The following GLMP variants were observed in gnomAD, a reference collection of about 807,000 sequenced individuals.
GLMP encodes kidney lysosomal membrane protein.
GLMP carries 36 observed loss-of-function variants against 39.2 expected under a neutral mutation model. That is an observed-to-expected ratio of 0.92 (90% CI 0.70 to 1.21). The LOEUF (loss-of-function observed/expected upper bound fraction) is 1.21, where lower values mean the gene tolerates loss of function less well. Among genes scored for constraint, GLMP ranks in the 50% most tolerant of loss-of-function variants. The pLI is 0.00. For synonymous variants in GLMP, 220 were observed against 218.9 expected (o/e 1.01, Z -0.04); for missense variants, 454 against 505.6 (o/e 0.90, Z 0.98).
rs139951770 is a variant in GLMP, at chr1:156,294,133, C to T, written c.683G>A (p.Arg228Gln). The T allele has an allele frequency of 6.3e-5, 101 of 1,614,024 alleles. No individual in the cohort carries two copies. Among genetic ancestry groups the T allele is most frequent in the African/African-American group, 2.5e-4 (19 of 74,922 alleles). The change falls in exon 4 of 6, where the codon CGG (arginine) becomes CAG (glutamine). Residue 228 changes from arginine (R) to glutamine (Q), a missense_variant. Arg to Gln is a conservative substitution (Grantham distance 43). Transcript: ENST00000362007. The stretch of plus-strand genomic sequence containing the variant: ...CAGCCCAAACAGGGAACGGTTTCCC[C>T]GGGGAGAGGCTCCAATCAGGGCCAC... Reference protein sequence around the residue: ...LEVALIGASPRGNRSLFGLEV... With the variant: ...LEVALIGASPQGNRSLFGLEV...
Position 156,292,972 on chromosome 1 carries a change from T to C in GLMP, c.*72A>G. 1 of 1,537,094 alleles carries C rather than the reference T, an allele frequency of 6.5e-7. No individual in the cohort carries two copies. The highest frequency in any genetic ancestry group is 1.2e-5 in the South Asian group (1 of 81,778). On this transcript the variant is annotated 3_prime_UTR_variant, in exon 6 of 6. Coordinates refer to ENST00000362007, the MANE Select transcript of GLMP (RefSeq NM_144580.3). ...AGTGAAGGGGCCGGCTGGAACTTGATGCTCCAACCTCCAGAGTTTCGAGGC... is the reference window on the plus strand; with the variant it reads ...AGTGAAGGGGCCGGCTGGAACTTGACGCTCCAACCTCCAGAGTTTCGAGGC...
At chr1:156,293,722 G>T (rs1663465271) in intron 4 of GLMP, 146 bp from the exon 5 acceptor site, 2 of 1,550,922 alleles carry the variant, frequency 1.3e-6, no homozygotes, top group African/African-American at 1.4e-5. Flanking sequence ...TGTAAAAATG[G>T]GGAGTTCGAC....
Position 156,292,947 on chromosome 1 carries a change from A to G in GLMP, c.*97T>C. On this transcript the variant is annotated 3_prime_UTR_variant, in exon 6 of 6. Transcript: ENST00000362007. ...GTTCCACAGAAAAGCAAGATGGGGG[A>G]GTGAAGGGGCCGGCTGGAACTTGAT... 2 of 1,449,968 alleles carry G rather than the reference A, an allele frequency of 1.4e-6. No homozygotes were observed. Among genetic ancestry groups the G allele is most frequent in the Non-Finnish European group, 1.9e-6 (2 of 1,071,970 alleles). 89.8% of individuals were successfully genotyped at this position (1,449,968 alleles called of 1,614,324 possible). A position where few individuals can be genotyped will look rare whatever the true frequency, so the allele number is the denominator to read the frequency against.
rs1558254871 is a variant in GLMP, at chr1:156,293,064, C to G, written c.1201G>C (p.Glu401Gln). The G allele has an allele frequency of 6.2e-7, 1 of 1,614,138 alleles. No individual in the cohort carries two copies. Among genetic ancestry groups the G allele is most frequent in the East Asian group, 2.2e-5 (1 of 44,874 alleles). Residue 401 changes from glutamate (E) to glutamine (Q), a missense_variant, in exon 6 of 6, where the codon GAG (glutamate) becomes CAG (glutamine). Physicochemically the swap from Glu to Gln is conservative, Grantham distance 29 (BLOSUM62 2). Coordinates refer to ENST00000362007, the MANE Select transcript of GLMP (RefSeq NM_144580.3). ...GGGCCTTAATTTATGGACTGGTACT[C>G]TGAGTACTTCTTGTGGTGCAGCAGC... is the stretch of plus-strand genomic sequence containing the variant. ...VLLLHHKKYS[E>Q]YQSIN
In GLMP at chr1:156,293,420, C is replaced by G; in HGVS notation, c.955G>C (p.Val319Leu). 6.2e-7 allele frequency: 1 copy of G among 1,614,144 alleles called. No individual in the cohort carries two copies. Among genetic ancestry groups the G allele is most frequent in the Non-Finnish European group, 8.5e-7 (1 of 1,180,038 alleles). ...LAYSLPQSPIVRAFFGSQNNF... is the reference protein window; with the variant it reads ...LAYSLPQSPILRAFFGSQNNF... The stretch of plus-strand genomic sequence containing the variant: ...TTCTGGGACCCAAAGAAGGCTCGGA[C>G]AATGGGTGACTGGGGAAGAGAGTAT... The change falls in exon 5 of 6, where the codon GTC (valine) becomes CTC (leucine). Residue 319 changes from valine (V) to leucine (L), a missense_variant. Transcript: ENST00000362007.
chr1:156,293,514 G>A lies in GLMP; in HGVS notation c.861C>T (p.Tyr287=). 6.2e-7 allele frequency: 1 copy of A among 1,614,212 alleles called. No individual in the cohort carries two copies. Among genetic ancestry groups the A allele is most frequent in the Non-Finnish European group, 8.5e-7 (1 of 1,180,032 alleles). ...SGFAQWRPVA[Y]SQKPGGRESA... ...ATTCTCGGCCCCCCGGCTTCTGGGA[G>A]TAAGCCACTGGTCGCCACTGTGCAA... The change falls in exon 5 of 6, where the codon TAC becomes TAT. Residue 287 remains tyrosine (Y), a synonymous_variant. Coordinates refer to ENST00000362007, the MANE Select transcript of GLMP (RefSeq NM_144580.3).
chr1:156,293,002 C>CA lies in GLMP; in HGVS notation c.*41dup. 2 of 1,600,762 alleles carry CA rather than the reference C, an allele frequency of 1.2e-6. No homozygotes were observed. On this transcript the variant is annotated 3_prime_UTR_variant, in exon 6 of 6. Coordinates refer to ENST00000362007, the MANE Select transcript of GLMP (RefSeq NM_144580.3). ...CAACCTCCAGAGTTTCGAGGCACAG[C>CA]AAGACAGGTTCAGTAATGTCCTTCC...
chr1:156,295,399 C>G, intron 1 of GLMP, 127 bp downstream of exon 1: 1 of 1,414,724 alleles, frequency 7.1e-7, no homozygotes, highest in Non-Finnish European at 9.2e-7. Flanking sequence ...CTCCCACACC[C>G]TCCAGGTTGA....
rs1008158380 is a variant in GLMP at position 156,292,708 on chromosome 1, C to A, written c.*336G>T. 6 of 272,986 alleles carry A rather than the reference C, an allele frequency of 2.2e-5. No homozygotes were observed. Among genetic ancestry groups the A allele is most frequent in the African/African-American group, 8.8e-5 (4 of 45,292 alleles). The allele number at this position is 272,986 out of a possible 1,614,324, so 16.9% of individuals were successfully genotyped here. A position where few individuals can be genotyped will look rare whatever the true frequency, so the allele number is the denominator to read the frequency against. On this transcript the variant is annotated 3_prime_UTR_variant, in exon 6 of 6. Coordinates refer to ENST00000362007, the MANE Select transcript of GLMP (RefSeq NM_144580.3). ...TGGAGCCCTGTGAAAAAAAATAAAT[C>A]TATTTTCTTGCCTTCCAGGGCAGCC...
At position 156,293,375 on chromosome 1, in the gene GLMP, G is replaced by C; in HGVS notation, c.1000C>G (p.Leu334Val). ...GGGCCTGTGGAAGCCCCGAACGTCA[G>C]ATTGAAGGCACAGAAGTTATTCTGG... ...GSQNNFCAFN[L>V]TFGASTGPGY... Residue 334 changes from leucine (L) to valine (V), a missense_variant, in exon 5 of 6, where the codon CTG (leucine) becomes GTG (valine). Physicochemically the swap from Leu to Val is conservative, Grantham distance 32. Coordinates refer to ENST00000362007, the MANE Select transcript of GLMP (RefSeq NM_144580.3). The C allele has an allele frequency of 6.2e-7, 1 of 1,614,222 alleles. No homozygotes were observed. Among genetic ancestry groups the C allele is most frequent in the South Asian group, 1.1e-5 (1 of 91,088 alleles).
rs1173704152 is a variant in GLMP, at chr1:156,293,349, A to C, written c.1026T>G (p.Pro342=). Residue 342 remains proline, a synonymous_variant, in exon 5 of 6, where the codon CCT becomes CCG. Transcript: ENST00000362007. The part of the protein sequence containing the change: ...FNLTFGASTG[P]GYWDQHYLSW... ...TGAGGTAGTGTTGGTCCCAATAGCC[A>C]GGGCCTGTGGAAGCCCCGAACGTCA... 4 of 1,614,068 alleles carry C rather than the reference A, an allele frequency of 2.5e-6. No homozygotes were observed. The highest frequency in any genetic ancestry group is 3.4e-6 in the Non-Finnish European group (4 of 1,180,048).
chr1:156,293,038 C>G lies in GLMP; in HGVS notation c.*6G>C. ...CAGTAATGTCCTTCCCTCCAGAGAG[C>G]GGGCCTTAATTTATGGACTGGTACT... is the stretch of plus-strand genomic sequence containing the variant. On this transcript the variant is annotated 3_prime_UTR_variant, in exon 6 of 6. Coordinates refer to ENST00000362007, the MANE Select transcript of GLMP (RefSeq NM_144580.3). The G allele has an allele frequency of 6.2e-7, 1 of 1,613,832 alleles. No individual in the cohort carries two copies. The highest frequency in any genetic ancestry group is 8.5e-7 in the Non-Finnish European group (1 of 1,179,898).
intron 4 of GLMP, 115 bp from the exon 5 acceptor site, chr1:156,293,691 G>T (rs1286207811): frequency 6.4e-7 from 1 of 1,559,728 alleles, no homozygotes; most frequent in South Asian, 1.2e-5. Context: ...TGAGTCCTAG[G>T]CAGGGCCTCA....
In GLMP at chr1:156,293,494, C is replaced by T. The variant is rs199574266; in HGVS notation, c.881G>A (p.Arg294Gln). The T allele has an allele frequency of 8.7e-6, 14 of 1,614,156 alleles. No homozygotes were observed. The highest frequency in any genetic ancestry group is 5.0e-5 in the Admixed American group (3 of 60,026). The stretch of plus-strand genomic sequence containing the variant: ...AGCTTGGCAGGGCAGGGCTGATTCT[C>T]GGCCCCCCGGCTTCTGGGAGTAAGC... ...PVAYSQKPGGRESALPCQASP... is the reference protein window; with the variant it reads ...PVAYSQKPGGQESALPCQASP... The change falls in exon 5 of 6, where the codon CGA becomes CAA. Residue 294 changes from arginine to glutamine, a missense_variant. Arg to Gln is a conservative substitution (Grantham distance 43). Transcript: ENST00000362007.
At chr1:156,293,892 C>T (rs1438124784) in intron 4 of GLMP, 126 bp downstream of exon 4, 5 of 1,260,754 alleles carry the variant, frequency 4.0e-6, no homozygotes, top group Middle Eastern at 5.4e-4. Flanking sequence ...TTCATTAGCA[C>T]AGTGCCTAGC....
chr1:156,295,374 A>G (rs1380382199), intron 1 of GLMP, 152 bp downstream of exon 1: 1 of 1,401,782 alleles, frequency 7.1e-7, no homozygotes. Flanking sequence ...ATCCCGTCCC[A>G]TGACCCATGA....
chr1:156,295,518 G>A lies in GLMP; in HGVS notation c.120+8C>T. 6.6e-7 allele frequency: 1 copy of A among 1,505,378 alleles called. No homozygotes were observed. The allele number at this position is 1,505,378 out of a possible 1,614,324, so 93.3% of individuals were successfully genotyped here. On this transcript the variant is annotated splice_region_variant and intron_variant, in intron 1 of 5. Coordinates refer to ENST00000362007, the MANE Select transcript of GLMP (RefSeq NM_144580.3). Reference sequence around the variant, plus strand: ...AAACTTCTATCGCTGTAGCCCCAGGGCCCTCACCTGGCGGGTCTTCTCCCC... The same window carrying A: ...AAACTTCTATCGCTGTAGCCCCAGGACCCTCACCTGGCGGGTCTTCTCCCC...
At position 156,293,746 on chromosome 1, in the gene GLMP, AGTT is replaced by A. The variant is rs763103212; in HGVS notation, c.799-173_799-171del. ...GGGGAGTTCGACTGGGTGAGGACTG[AGTT>A]GTTTTCCAAACCTCCAAGTCTGGAC... is the stretch of plus-strand genomic sequence containing the variant. On this transcript the variant is annotated intron_variant, in intron 4 of 5. Transcript: ENST00000362007. 1.9e-6 allele frequency: 3 copies of A among 1,544,076 alleles called. No homozygotes were observed. The East Asian group carries it at 7.3e-5, about 38-fold the overall frequency.
chr1:156,293,162 G>T lies in GLMP; in HGVS notation c.1103C>A (p.Pro368Gln). Residue 368 changes from proline to glutamine, a missense_variant, in exon 6 of 6, where the codon CCA becomes CAA. Coordinates refer to ENST00000362007, the MANE Select transcript of GLMP (RefSeq NM_144580.3). ...VGFPPVDGLSPLVLGIMAVAL... is the reference protein window; with the variant it reads ...VGFPPVDGLSQLVLGIMAVAL... Reference sequence around the variant, plus strand: ...CACTGCCATGATGCCCAGGACTAGTGGGGACAAGCCGTCCACTGGAGGGAA... The same window carrying T: ...CACTGCCATGATGCCCAGGACTAGTTGGGACAAGCCGTCCACTGGAGGGAA... 1 of 1,614,010 alleles carries T rather than the reference G, an allele frequency of 6.2e-7. No homozygotes were observed. Among genetic ancestry groups the T allele is most frequent in the Non-Finnish European group, 8.5e-7 (1 of 1,179,966 alleles).
Sources: allele counts gnomAD v4.1 joint callset, GRCh38; gene constraint gnomAD v4.1.1; transcripts MANE v1.5; gene names NCBI Gene and HGNC (gene_info 2026-07-23, HGNC 2026-07-21).